The following NUP205 variants were observed in gnomAD, a reference collection of about 807,000 sequenced individuals.
The protein encoded by NUP205 is nuclear pore complex protein Nup205.
NUP205 carries 76 observed loss-of-function variants against 253.8 expected under a neutral mutation model. That is an observed-to-expected ratio of 0.30 (90% confidence interval 0.25 to 0.36). The LOEUF (loss-of-function observed/expected upper bound fraction) is 0.36, where lower values mean the gene tolerates loss of function less well. Among genes scored for constraint, NUP205 ranks in the 10% least tolerant of loss-of-function variants. The pLI is 1.00. For synonymous variants in NUP205, 832 were observed against 850.1 expected (o/e 0.98, Z 0.37); for missense variants, 2,162 against 2,425.5 (o/e 0.89, Z 2.28).
intron 30 of NUP205, among the ~76,000 whole-genome samples, chr7:135,620,921 A>G (rs1438177789): frequency 6.6e-6 from 1 of 152,252 alleles, no homozygotes; most frequent in African/African-American, 2.4e-5. Context: ...AACTAATCTT[A>G]AGACATGAAA....
At position 135,629,862 on chromosome 7, in the gene NUP205, A is replaced by G. The variant is rs146941185; in HGVS notation, c.4933-482A>G. Reference sequence around the variant, plus strand: ...ATAATAAAAATGAATTTTTTTAAAAAAAGAATTAGACAAAAGCTTTTATGT... The same window carrying G: ...ATAATAAAAATGAATTTTTTTAAAAGAAGAATTAGACAAAAGCTTTTATGT... On this transcript the variant is annotated intron_variant, in intron 34 of 42. Transcript: ENST00000285968. Among the ~76,000 whole-genome samples the G allele has an allele frequency of 3.3e-3, 507 of 152,312 alleles. 5 individuals carry two copies. Among genetic ancestry groups the G allele is most frequent in the African/African-American group, 0.011 (470 of 41,574 alleles).
intron 35 of NUP205, among the ~76,000 whole-genome samples, chr7:135,630,921 G>C (rs750110415): frequency 6.6e-6 from 1 of 150,440 alleles, no homozygotes; most frequent in African/African-American, 2.5e-5. Flanking sequence ...ACAAGACTCC[G>C]TCTCTGTTTT....
rs75925914 is a variant in NUP205 at position 135,604,750 on chromosome 7, G to C, written c.2823+290G>C. Among the ~76,000 whole-genome samples the C allele has an allele frequency of 5.5e-3, 842 of 152,298 alleles. 13 individuals are homozygous for C. The highest frequency in any genetic ancestry group is 0.05 in the East Asian group (257 of 5,176). ...CACGTTCAAAATGATTAGGTTTGCT[G>C]TTAACTTGTTTGTTTACTGCTCCCG... is the stretch of plus-strand genomic sequence containing the variant. On this transcript the variant is annotated intron_variant, in intron 19 of 42. Coordinates refer to ENST00000285968, the MANE Select transcript of NUP205 (RefSeq NM_015135.3).
rs761334279 is a variant in NUP205, at chr7:135,601,457, G to A, written c.2462G>A (p.Ser821Asn). ...NESPMLELAL[S>N]LLEEGVKQLD... The stretch of plus-strand genomic sequence containing the variant: ...TCACCAATGTTGGAGCTTGCTCTCA[G>A]TTTACTGGAAGAAGGAGTTAAGCAG... The change falls in exon 17 of 43, where the codon AGT (serine) becomes AAT (asparagine). Residue 821 changes from serine to asparagine, a missense_variant. By Grantham distance (46) the Ser-to-Asn change is conservative. This residue lies in a region of NUP205 where 892 missense variants were observed against 957.1 expected (regional missense o/e 0.93). Coordinates refer to ENST00000285968, the MANE Select transcript of NUP205 (RefSeq NM_015135.3). 1.1e-5 allele frequency: 18 copies of A among 1,613,950 alleles called. No homozygotes were observed. The East Asian group carries it at 4.0e-4, about 36-fold the overall frequency.
intron 14 of NUP205, 59 bp from the exon 15 acceptor site, chr7:135,597,939 C>G (rs1158473465): frequency 8.7e-5 from 113 of 1,305,796 alleles, no homozygotes; most frequent in Non-Finnish European, 1.2e-4. Context: ...CTGCATAATA[C>G]TCTTCACTTC....
intron 3 of NUP205, among the ~76,000 whole-genome samples, chr7:135,575,042 A>G (rs1336546544): frequency 6.6e-6 from 1 of 152,230 alleles, no homozygotes; most frequent in East Asian, 1.9e-4. Flanking sequence ...TATACCTACC[A>G]TGTGCCAGGC....
intron 10 of NUP205, among the ~76,000 whole-genome samples, chr7:135,590,089 A>G (rs1472996529): frequency 6.7e-6 from 1 of 149,932 alleles, no homozygotes; most frequent in Admixed American, 6.7e-5. Flanking sequence ...TGCTTCATCT[A>G]CTATATTATT....
chr7:135,601,232 G>A lies in NUP205; in HGVS notation c.2375-138G>A. ...CAGATTTGCCCTTAGGAGAATTACT[G>A]CTGTGTCTCTAAATTGAAACTTGCC... On this transcript the variant is annotated intron_variant, in intron 16 of 42. Transcript: ENST00000285968. The A allele has an allele frequency of 2.4e-5, 18 of 760,410 alleles. 1 individual carries two copies. The South Asian group carries it at 2.9e-4, about 12-fold the overall frequency. 47.1% of individuals were successfully genotyped at this position (760,410 alleles called of 1,614,324 possible). A position where few individuals can be genotyped will look rare whatever the true frequency, so the allele number is the denominator to read the frequency against.
rs201103102 is a variant in NUP205, at chr7:135,646,205, A to G, written c.5860A>G (p.Ile1954Val). ...TCTAGATTTTAGAAGTGGGCTGGCT[A>G]TAGTGAGCCAACATGATTTAGACCA... ...TNLDFRSGLAIVSQHDLDQLQ... is the reference protein window; with the variant it reads ...TNLDFRSGLAVVSQHDLDQLQ... The change falls in exon 42 of 43, where the codon ATA (isoleucine) becomes GTA (valine). Residue 1954 changes from isoleucine (I) to valine (V), a missense_variant. Physicochemically the swap from Ile to Val is conservative, Grantham distance 29 (BLOSUM62 3). Coordinates refer to ENST00000285968, the MANE Select transcript of NUP205 (RefSeq NM_015135.3). 47 of 1,613,288 alleles carry G rather than the reference A, an allele frequency of 2.9e-5. No individual in the cohort carries two copies. Among genetic ancestry groups the G allele is most frequent in the Non-Finnish European group, 3.8e-5 (45 of 1,179,192 alleles).
intron 27 of NUP205, among the ~76,000 whole-genome samples, chr7:135,617,894 G>A (rs1203746333): frequency 6.6e-6 from 1 of 151,110 alleles, no homozygotes; most frequent in Non-Finnish European, 1.5e-5. Flanking sequence ...TGCTAGGCTA[G>A]TTAAGGATTT....
chr7:135,618,716 G>C (rs1371192629), intron 28 of NUP205, 113 bp downstream of exon 28: 1 of 863,630 alleles, frequency 1.2e-6, no homozygotes, highest in African/African-American at 1.7e-5. Flanking sequence ...ATAGAATTGT[G>C]CAATACCAAC....
At chr7:135,578,076 T>C (rs2129489865) in intron 6 of NUP205, 52 bp downstream of exon 6, 2 of 1,335,532 alleles carry the variant, frequency 1.5e-6, no homozygotes, top group South Asian at 1.2e-5. Context: ...TTTAAAATTG[T>C]GGGGATAACA....
At position 135,563,480 on chromosome 7, in the gene NUP205, G is replaced by A. The variant is rs983217456; in HGVS notation, c.28+5508G>A. Among the ~76,000 whole-genome samples the A allele has an allele frequency of 7.2e-5, 11 of 152,132 alleles. No homozygotes were observed. In the East Asian group the frequency reaches 1.2e-3, roughly 16 times the overall value. On this transcript the variant is annotated intron_variant, in intron 1 of 42. Transcript: ENST00000285968. ...TGGGATTACAGGCGTGAGCCACTGT[G>A]CCCGGCCAGATTTTACATTTATGTA... is the stretch of plus-strand genomic sequence containing the variant.
At position 135,570,052 on chromosome 7, in the gene NUP205, T is replaced by TAGAGAG. The variant is rs373590569; in HGVS notation, c.29-1015_29-1010dup. Among the ~76,000 whole-genome samples the TAGAGAG allele has an allele frequency of 2.5e-3, 200 of 79,158 alleles. 1 individual carries two copies. The highest frequency in any genetic ancestry group is 6.0e-3 in the African/African-American group (114 of 19,106). The allele number at this position is 79,158 out of a possible 152,430, so 51.9% of individuals were successfully genotyped here. A position where few individuals can be genotyped will look rare whatever the true frequency, so the allele number is the denominator to read the frequency against. ...TTTTATATATATATATATATATATA[T>TAGAGAG]AGAGAGAGAGAGAGAGAGAGAGAGA... On this transcript the variant is annotated intron_variant, in intron 1 of 42. Coordinates refer to ENST00000285968, the MANE Select transcript of NUP205 (RefSeq NM_015135.3).
chr7:135,625,445 C>G, intron 32 of NUP205, 90 bp downstream of exon 32: 1 of 950,240 alleles, frequency 1.1e-6, no homozygotes, highest in South Asian at 2.0e-5. Context: ...GGCATACATT[C>G]TGAATATTTC....
At chr7:135,643,792 T>G (rs998055705) in intron 39 of NUP205, among the ~76,000 whole-genome samples, 2 of 152,150 alleles carry the variant, frequency 1.3e-5, no homozygotes, top group Non-Finnish European at 2.9e-5. Flanking sequence ...CCAGAAGCAT[T>G]CCCTCTACTT....
chr7:135,599,644 T>G (rs1186230140), intron 15 of NUP205, among the ~76,000 whole-genome samples: 2 of 152,194 alleles, frequency 1.3e-5, no homozygotes, highest in Non-Finnish European at 1.5e-5. Context: ...TTTAGAGCAT[T>G]AGTTAGCCAT....
chr7:135,577,722 G>C, intron 5 of NUP205, 74 bp from the exon 6 acceptor site: 1 of 1,080,018 alleles, frequency 9.3e-7, no homozygotes, highest in South Asian at 1.4e-5. Flanking sequence ...TTTGTAAAAG[G>C]TAGTTTGTAC....
chr7:135,588,218 G>A, intron 10 of NUP205, among the ~76,000 whole-genome samples: 1 of 141,964 alleles, frequency 7.0e-6, no homozygotes, highest in East Asian at 2.0e-4. Flanking sequence ...TCAGCTCACT[G>A]TAGCTTTGAC....
Sources: gnomAD v4.1 joint callset for allele counts (sites outside exome capture counted in the v4.1 genomes callset) on GRCh38, gnomAD v4.1.1 for gene constraint, gnomAD v4.1.1 regional missense constraint, MANE v1.5 for transcripts, NCBI Gene and HGNC (gene_info 2026-07-23, HGNC 2026-07-21) for gene names.